Variants in KCNG3 observed in about 807,000 individuals in gnomAD.
KCNG3 encodes the protein voltage-gated potassium channel regulatory subunit KCNG3.
A neutral mutation model predicts 29.0 loss-of-function variants in KCNG3; 15 were observed. The observed-to-expected ratio is 0.52, with a 90% CI of 0.35 to 0.80. The LOEUF (loss-of-function observed/expected upper bound fraction) is 0.80, where lower values mean the gene tolerates loss of function less well. Ranked by LOEUF, KCNG3 falls within the 30% of genes least tolerant of loss-of-function variation. KCNG3 has a pLI of 0.01. For missense variants in KCNG3, 512 were observed against 605.7 expected, an observed-to-expected ratio of 0.85 and a Z score of 1.62; for synonymous variants, 322 against 248.9, an observed-to-expected ratio of 1.29 and a Z score of -2.76.
At chr2:42,402,041 G>A in the KCNG3 span, among the ~76,000 whole-genome samples, 19 of 152,180 alleles carry the variant, frequency 1.2e-4, no homozygotes, top group Non-Finnish European at 2.2e-4. Context: ...GGAGGTATTC[G>A]TATCTGAATC....
chr2:42,407,481 G>A, the KCNG3 span, among the ~76,000 whole-genome samples: 1 of 152,192 alleles, frequency 6.6e-6, no homozygotes, highest in South Asian at 2.1e-4. Context: ...GCAGGAGGGA[G>A]GGGCGGCCAG....
the KCNG3 span, chr2:42,415,493 C>T: frequency 6.6e-6 from 1 of 152,084 alleles, no homozygotes; most frequent in African/African-American, 2.4e-5. Flanking sequence ...CAGATAAGGG[C>T]ATATCCTTCA....
At chr2:42,491,114 A>T (rs1019213528) in intron 1 of KCNG3, among the ~76,000 whole-genome samples, 1 of 152,168 alleles carries the variant, frequency 6.6e-6, no homozygotes, top group Non-Finnish European at 1.5e-5. Flanking sequence ...CATAAAATAC[A>T]TATACACAAA....
intron 1 of KCNG3, among the ~76,000 whole-genome samples, chr2:42,453,313 A>C (rs1672807914): frequency 6.6e-6 from 1 of 152,112 alleles, no homozygotes; most frequent in Non-Finnish European, 1.5e-5. Context: ...TTACATTTCC[A>C]CTAACAGTGT....
At chr2:42,434,523 TAAAC>T in the KCNG3 span, among the ~76,000 whole-genome samples, 3 of 52,728 alleles carry the variant, frequency 5.7e-5, no homozygotes, top group African/African-American at 1.6e-4. Context: ...TAATAAAAAA[TAAAC>T]AAAGAAATAC....
At chr2:42,471,446 G>A (rs1205372126) in intron 1 of KCNG3, among the ~76,000 whole-genome samples, 1 of 152,066 alleles carries the variant, frequency 6.6e-6, no homozygotes, top group African/African-American at 2.4e-5. Context: ...TCCAGAATAG[G>A]CAAATCCATG....
chr2:42,491,164 CCT>C (rs1447413365), intron 1 of KCNG3, among the ~76,000 whole-genome samples: 1 of 152,030 alleles, frequency 6.6e-6, no homozygotes, highest in East Asian at 1.9e-4. Flanking sequence ...TTGCAGTCTC[CCT>C]CTTTTCCATC....
In KCNG3 at chr2:42,444,167, T is replaced by C; in HGVS notation, c.1078A>G (p.Ile360Val). 6.2e-7 allele frequency: 1 copy of C among 1,614,218 alleles called. No individual in the cohort carries two copies. Among genetic ancestry groups the C allele is most frequent in the Non-Finnish European group, 8.5e-7 (1 of 1,180,038 alleles). Residue 360 changes from isoleucine to valine, a missense_variant, in exon 2 of 2, where the codon ATT (isoleucine) becomes GTT (valine). This residue lies in a region of KCNG3 where 173 missense variants were observed against 262.4 expected (regional missense o/e 0.66). Coordinates refer to ENST00000306078, the MANE Select transcript of KCNG3 (RefSeq NM_133329.6). This position sits in a 1 kb window ranked among gnomAD's most constrained non-coding sequence, Gnocchi z 5.8. ...LETSNKDFTS[I>V]PAACWWVIIS... ...ATCACCCACCAGCAGGCAGCAGGAA[T>C]GCTGGTAAAGTCCTTGTTGGATGTT...
the KCNG3 span, among the ~76,000 whole-genome samples, chr2:42,418,532 T>C: frequency 1.3e-5 from 2 of 152,228 alleles, no homozygotes; most frequent in Non-Finnish European, 2.9e-5. Flanking sequence ...TCTTTATTAT[T>C]TAAATTTGTT....
the KCNG3 span, among the ~76,000 whole-genome samples, chr2:42,418,777 T>TAGCC: frequency 6.6e-6 from 1 of 152,188 alleles, no homozygotes; most frequent in Non-Finnish European, 1.5e-5. Flanking sequence ...GCTCCACTGG[T>TAGCC]AGCCAGCCAG....
the KCNG3 span, among the ~76,000 whole-genome samples, chr2:42,396,649 T>C: frequency 6.6e-6 from 1 of 152,152 alleles, no homozygotes; most frequent in Non-Finnish European, 1.5e-5. Context: ...GTCAAGATTC[T>C]AATCCTGGAA....
intron 1 of KCNG3, among the ~76,000 whole-genome samples, chr2:42,476,796 A>G (rs953891358): frequency 1.3e-5 from 2 of 151,604 alleles, no homozygotes; most frequent in South Asian, 4.2e-4. Context: ...GGACAAAATA[A>G]AACATTTGTA....
chr2:42,427,026 CTT>C, the KCNG3 span, among the ~76,000 whole-genome samples: 1 of 152,176 alleles, frequency 6.6e-6, no homozygotes, highest in Admixed American at 6.5e-5. Flanking sequence ...CTAGAGAACT[CTT>C]CTCAAAGTTC....
chr2:42,416,850 ATGTT>A, the KCNG3 span, among the ~76,000 whole-genome samples: 5 of 151,962 alleles, frequency 3.3e-5, no homozygotes, highest in African/African-American at 4.8e-5. Flanking sequence ...GAAATGATAG[ATGTT>A]TAAGGTGACA....
At chr2:42,464,737 C>T (rs566106598) in intron 1 of KCNG3, among the ~76,000 whole-genome samples, 48 of 152,280 alleles carry the variant, frequency 3.2e-4, no homozygotes, top group Non-Finnish European at 7.4e-5. Flanking sequence ...TCAAGGATCA[C>T]CACCCCAGGG....
intron 1 of KCNG3, among the ~76,000 whole-genome samples, chr2:42,480,912 C>G (rs1424980536): frequency 2.0e-5 from 3 of 152,000 alleles, no homozygotes; most frequent in African/African-American, 7.3e-5. Context: ...TCCCTAGTAG[C>G]TGGGATTACA....
chr2:42,474,716 G>A (rs994889273), intron 1 of KCNG3, among the ~76,000 whole-genome samples: 8 of 151,840 alleles, frequency 5.3e-5, no homozygotes, highest in Non-Finnish European at 1.0e-4. Context: ...TTAAACATTT[G>A]TCAAATTTTA....
At chr2:42,406,826 C>T in the KCNG3 span, among the ~76,000 whole-genome samples, 1 of 113,672 alleles carries the variant, frequency 8.8e-6, no homozygotes. Flanking sequence ...GACTCCTTCT[C>T]AAAAAAAAAA....
chr2:42,461,188 A>C (rs1313985245), intron 1 of KCNG3, among the ~76,000 whole-genome samples: 52 of 144,466 alleles, frequency 3.6e-4, no homozygotes, highest in African/African-American at 1.4e-3. Context: ...AAAACAAAAA[A>C]AAAAAAAAAA....
Sources: allele counts gnomAD v4.1 joint callset (sites outside exome capture counted in the v4.1 genomes callset), GRCh38; gene constraint gnomAD v4.1.1; regional missense constraint gnomAD v4.1.1; non-coding constraint Gnocchi (gnomAD v3.1); transcripts MANE v1.5; gene names NCBI Gene and HGNC (gene_info 2026-07-23, HGNC 2026-07-21).